SORCS1: variants seen among roughly 807,000 people sequenced by gnomAD.
SORCS1 encodes VPS10 domain-containing receptor SorCS1.
Under a neutral mutation model 146.1 loss-of-function variants are expected in SORCS1, and 60 were observed. The ratio of observed to expected loss-of-function variants is 0.41; its 90% CI spans 0.33 to 0.51. SORCS1 has a LOEUF of 0.51. Among genes scored for constraint, SORCS1 ranks in the 20% least tolerant of loss-of-function variants. The pLI, the probability that SORCS1 is intolerant of heterozygous loss-of-function variation, is 0.21. For missense variants in SORCS1, 1,352 were observed against 1,487.6 expected (o/e 0.91, Z 1.50); for synonymous variants, 637 against 584.0 (o/e 1.09, Z -1.31).
At chr10:107,085,413 T>C (rs1419482262) in intron 1 of SORCS1, among the ~76,000 whole-genome samples, 3 of 152,246 alleles carry the variant, frequency 2.0e-5, no homozygotes, top group Non-Finnish European at 4.4e-5. Flanking sequence ...TTTATGCAAA[T>C]ACTTGTGAAA....
intron 1 of SORCS1, among the ~76,000 whole-genome samples, chr10:107,001,185 T>C (rs779359117): frequency 2.6e-5 from 4 of 151,916 alleles, no homozygotes; most frequent in Non-Finnish European, 5.9e-5. Context: ...TTTTTAAACG[T>C]GTAGTTTGCC....
In SORCS1 at chr10:106,722,389, T is replaced by C. The variant is rs984366183; in HGVS notation, c.1024+7661A>G. ...CAATACGGAAACTAGGTTGGAAAGCTGGTGGATAGGAAGTAGAAAATGAGA... is the reference window on the plus strand; with the variant it reads ...CAATACGGAAACTAGGTTGGAAAGCCGGTGGATAGGAAGTAGAAAATGAGA... On this transcript the variant is annotated intron_variant, in intron 6 of 25. Coordinates refer to ENST00000263054, the MANE Select transcript of SORCS1 (RefSeq NM_052918.5). Among the ~76,000 whole-genome samples, 23 of 152,290 alleles carry C rather than the reference T, an allele frequency of 1.5e-4. No homozygotes were observed. The Middle Eastern group carries it at 0.01, about 68-fold the overall frequency.
At chr10:106,741,623 AGAGAGAGAGAGAGT>A (rs1422606203) in intron 5 of SORCS1, among the ~76,000 whole-genome samples, 1 of 148,698 alleles carries the variant, frequency 6.7e-6, no homozygotes, top group Non-Finnish European at 1.5e-5. Context: ...AATTATATAT[AGAGAGAGAGAGAGT>A]GAGAGAGAGA....
chr10:107,115,972 T>C (rs1011546367), intron 1 of SORCS1, among the ~76,000 whole-genome samples: 2 of 152,062 alleles, frequency 1.3e-5, no homozygotes, highest in African/African-American at 4.8e-5. Flanking sequence ...AAAGGAAACA[T>C]ATAAATGGCT....
intron 2 of SORCS1, among the ~76,000 whole-genome samples, chr10:106,836,267 G>A (rs1055714579): frequency 4.6e-5 from 7 of 151,984 alleles, no homozygotes; most frequent in Non-Finnish European, 4.4e-5. Context: ...GAGGTCAGGA[G>A]ATCGAGATCA....
At chr10:106,995,094 C>T (rs979362058) in intron 1 of SORCS1, among the ~76,000 whole-genome samples, 2 of 151,882 alleles carry the variant, frequency 1.3e-5, no homozygotes, top group African/African-American at 4.8e-5. Context: ...AGGTGGATCA[C>T]GAGGTCAGGA....
rs767281051 is a variant in SORCS1 at position 106,579,389 on chromosome 10, G to A, written c.3351C>T (p.Phe1117=). Residue 1117 remains phenylalanine, a synonymous_variant, in exon 25 of 26, where the codon TTC becomes TTT. Transcript: ENST00000263054. ...LSVVFVGLAV[F]VIYKFKRRVA... is the part of the protein sequence containing the mutation. ...CGCACCTTTTAAACTTGTAGATGAC[G>A]AACACTGCCAGCCCCACAAACACCA... 11 of 1,613,920 alleles carry A rather than the reference G, an allele frequency of 6.8e-6. No individual in the cohort carries two copies. The highest frequency in any genetic ancestry group is 1.3e-5 in the African/African-American group (1 of 74,978).
intron 1 of SORCS1, among the ~76,000 whole-genome samples, chr10:107,153,314 T>C (rs1968989173): frequency 6.6e-6 from 1 of 152,206 alleles, no homozygotes; most frequent in South Asian, 2.1e-4. Flanking sequence ...ACATTGGTGC[T>C]TATGTTGCTG....
At position 106,960,552 on chromosome 10, in the gene SORCS1, G is replaced by A. The variant is rs528930295; in HGVS notation, c.559-3972C>T. 4.6e-5 allele frequency among the ~76,000 whole-genome samples: 7 copies of A among 151,796 alleles called. No individual in the cohort carries two copies. The highest frequency in any genetic ancestry group is 1.9e-4 in the East Asian group (1 of 5,148). ...CCCGAGTAGCTGAGACTACAGGTGC[G>A]CCACCACACCCAGCTAATTTTTGTA... On this transcript the variant is annotated intron_variant, in intron 1 of 25. Coordinates refer to ENST00000263054, the MANE Select transcript of SORCS1 (RefSeq NM_052918.5). This position sits in a 1 kb window ranked among gnomAD's most constrained non-coding sequence, Gnocchi z 4.4.
intron 18 of SORCS1, among the ~76,000 whole-genome samples, chr10:106,647,530 G>A (rs1195899367): frequency 6.6e-6 from 1 of 151,948 alleles, no homozygotes; most frequent in Non-Finnish European, 1.5e-5. Context: ...AATTCACAAG[G>A]GAACAGAATA....
intron 3 of SORCS1, among the ~76,000 whole-genome samples, chr10:106,788,116 T>TTAAC (rs71025552): frequency 0.25 from 38,596 of 151,904 alleles, 5,119 homozygotes; most frequent in Non-Finnish European, 0.29. Flanking sequence ...GGATGATAAA[T>TTAAC]TAATCAAACA....
intron 3 of SORCS1, among the ~76,000 whole-genome samples, chr10:106,808,283 GC>G (rs1158296648): frequency 2.6e-5 from 4 of 152,180 alleles, no homozygotes; most frequent in African/African-American, 9.6e-5. Context: ...CTCCCAAAGT[GC>G]TGGAATTACA....
intron 2 of SORCS1, among the ~76,000 whole-genome samples, chr10:106,891,073 G>C (rs1179010492): frequency 6.6e-6 from 1 of 152,028 alleles, no homozygotes; most frequent in African/African-American, 2.4e-5. Flanking sequence ...TCCCCTACTT[G>C]AGTAACCCCC....
At chr10:106,658,870 T>C (rs1850507101) in intron 17 of SORCS1, among the ~76,000 whole-genome samples, 1 of 152,194 alleles carries the variant, frequency 6.6e-6, no homozygotes, top group African/African-American at 2.4e-5. Flanking sequence ...GCAGTAGTGG[T>C]GGCAGCCTAG....
intron 1 of SORCS1, among the ~76,000 whole-genome samples, chr10:106,965,693 T>A (rs1318257425): frequency 6.6e-6 from 1 of 152,170 alleles, no homozygotes; most frequent in East Asian, 1.9e-4. Flanking sequence ...GGAATCCTAA[T>A]CCCTGTGCTA....
Position 107,049,326 on chromosome 10 carries a change from G to C in SORCS1, c.559-92746C>G, listed in dbSNP as rs577267294. 1.0e-4 allele frequency among the ~76,000 whole-genome samples: 15 copies of C among 148,804 alleles called. No individual in the cohort carries two copies. In the South Asian group the frequency reaches 2.8e-3, roughly 28 times the overall value. ...GGAGATATACCTAATGCTAAATGAC[G>C]AGTTAATGGGTGCAGCACACCAGCA... On this transcript the variant is annotated intron_variant, in intron 1 of 25. Coordinates refer to ENST00000263054, the MANE Select transcript of SORCS1 (RefSeq NM_052918.5).
At chr10:107,114,633 C>T (rs552569160) in intron 1 of SORCS1, among the ~76,000 whole-genome samples, 1 of 152,172 alleles carries the variant, frequency 6.6e-6, no homozygotes, top group South Asian at 2.1e-4. Flanking sequence ...ACATGACAGG[C>T]TTATGGGTAG....
intron 1 of SORCS1, among the ~76,000 whole-genome samples, chr10:107,108,810 TA>T (rs1278911848): frequency 1.3e-5 from 2 of 151,830 alleles, no homozygotes; most frequent in East Asian, 1.9e-4. Flanking sequence ...GCCTGTAACA[TA>T]AAAAAAACAA....
chr10:106,679,223 A>T, intron 12 of SORCS1, 33 bp downstream of exon 12: 1 of 1,570,562 alleles, frequency 6.4e-7, no homozygotes, highest in Non-Finnish European at 8.7e-7. Context: ...TGTTACTTAA[A>T]CTTCAGCGAT....
Sources: gnomAD v4.1 joint callset for allele counts (sites outside exome capture counted in the v4.1 genomes callset) on GRCh38, gnomAD v4.1.1 for gene constraint, Gnocchi (gnomAD v3.1) non-coding constraint, MANE v1.5 for transcripts, NCBI Gene and HGNC (gene_info 2026-07-23, HGNC 2026-07-21) for gene names.